The following KPNA6 variants were observed in gnomAD, a reference collection of about 807,000 sequenced individuals.
KPNA6 encodes karyopherin subunit alpha 6.
KPNA6 carries 9 observed loss-of-function variants against 72.0 expected under a neutral mutation model. The observed-to-expected ratio is 0.13, with a 90% CI of 0.08 to 0.22. KPNA6 has a LOEUF of 0.22. KPNA6 is among the 10% of genes least tolerant of loss of function. The pLI, the probability that KPNA6 is intolerant of heterozygous loss-of-function variation, is 1.00. For missense variants in KPNA6, 374 were observed against 655.7 expected (o/e 0.57, Z 4.69); for synonymous variants, 219 against 242.1 (o/e 0.90, Z 0.89).
At chr1:32,130,663 G>T (rs1038192278) in intron 1 of KPNA6, among the ~76,000 whole-genome samples, 2 of 151,666 alleles carry the variant, frequency 1.3e-5, no homozygotes, top group African/African-American at 4.8e-5. Context: ...GTGCATGCCT[G>T]TAGTCCCAGC....
chr1:32,119,026 A>T (rs866574908), intron 1 of KPNA6, among the ~76,000 whole-genome samples: 1,934 of 68,578 alleles, frequency 0.028, 78 homozygotes, highest in East Asian at 0.05. Flanking sequence ...ATATATATAT[A>T]TATATATTTT....
At chr1:32,131,615 T>C (rs539229968) in intron 1 of KPNA6, among the ~76,000 whole-genome samples, 54 of 151,518 alleles carry the variant, frequency 3.6e-4, no homozygotes, top group Non-Finnish European at 6.6e-4. Flanking sequence ...TACACACACA[T>C]ATATATACAT....
In KPNA6 at chr1:32,133,159, C is replaced by G. The variant is rs182954303; in HGVS notation, c.5-21429C>G. Among the ~76,000 whole-genome samples, 306 of 151,922 alleles carry G rather than the reference C, an allele frequency of 2.0e-3. 1 individual carries two copies. The highest frequency in any genetic ancestry group is 6.8e-3 in the African/African-American group (282 of 41,464). On this transcript the variant is annotated intron_variant, in intron 1 of 13. Transcript: ENST00000373625. ...AGGAATTTGAGACTAGCCTGGAAAA[C>G]ATGTTGAAACCTCATCTCTACAAAA...
Position 32,159,547 on chromosome 1 carries a change from G to T in KPNA6, c.558+16G>T. ...TCAGGAACAGGTAATGCTTAGATTT[G>T]GTGTGATTCTTTATAGTACCTGTGG... On this transcript the variant is annotated intron_variant, in intron 6 of 13. Coordinates refer to ENST00000373625, the MANE Select transcript of KPNA6 (RefSeq NM_012316.5). The T allele has an allele frequency of 6.2e-7, 1 of 1,611,362 alleles. No homozygotes were observed. The highest frequency in any genetic ancestry group is 1.1e-5 in the South Asian group (1 of 90,660).
intron 12 of KPNA6, 29 bp downstream of exon 12, chr1:32,167,325 A>G: frequency 6.2e-7 from 1 of 1,613,236 alleles, no homozygotes; most frequent in Non-Finnish European, 8.5e-7. Context: ...GTTGTCTTGA[A>G]TGATAATGGA....
At chr1:32,157,964 A>C (rs1314799683) in intron 4 of KPNA6, among the ~76,000 whole-genome samples, 1 of 152,180 alleles carries the variant, frequency 6.6e-6, no homozygotes, top group Non-Finnish European at 1.5e-5. Context: ...CTTGAAAGGG[A>C]AATGTGCAGA....
intron 1 of KPNA6, among the ~76,000 whole-genome samples, chr1:32,120,863 A>G (rs1174447262): frequency 7.3e-6 from 1 of 137,126 alleles, no homozygotes; most frequent in Non-Finnish European, 1.5e-5. Flanking sequence ...ACCCAGACGG[A>G]GTTCCTTCTT....
intron 1 of KPNA6, among the ~76,000 whole-genome samples, chr1:32,133,072 G>A (rs1469453885): frequency 3.9e-5 from 6 of 152,002 alleles, no homozygotes; most frequent in Non-Finnish European, 8.8e-5. Context: ...GGCTGGGTGC[G>A]GGGTCTCACA....
intron 1 of KPNA6, among the ~76,000 whole-genome samples, chr1:32,114,016 T>G (rs942193668): frequency 6.6e-6 from 1 of 152,192 alleles, no homozygotes; most frequent in Non-Finnish European, 1.5e-5. Flanking sequence ...CAAACTCTTA[T>G]TTATGATATT....
chr1:32,139,541 C>G (rs770290654), intron 1 of KPNA6, among the ~76,000 whole-genome samples: 11 of 152,060 alleles, frequency 7.2e-5, no homozygotes, highest in Non-Finnish European at 1.5e-4. Context: ...GACTTAACTT[C>G]CATTTTACAG....
chr1:32,108,997 GT>G lies in KPNA6; in HGVS notation c.4+865del, dbSNP rs1187355037. ...TAAGCTCTTTCTACGTACGGGCATT[GT>G]TCTGATTGCTTTACATGTCTTGTTT... is the stretch of plus-strand genomic sequence containing the variant. On this transcript the variant is annotated intron_variant, in intron 1 of 13. Coordinates refer to ENST00000373625, the MANE Select transcript of KPNA6 (RefSeq NM_012316.5). Among the ~76,000 whole-genome samples the G allele has an allele frequency of 3.9e-5, 6 of 152,310 alleles. No homozygotes were observed. The East Asian group carries it at 1.2e-3, about 29-fold the overall frequency.
chr1:32,154,467 C>T, intron 1 of KPNA6, 121 bp from the exon 2 acceptor site: 1 of 1,017,208 alleles, frequency 9.8e-7, no homozygotes, highest in Non-Finnish European at 1.4e-6. Context: ...ATTGAGAGCT[C>T]CCAGAGAGCT....
chr1:32,121,644 T>G (rs1015742905), intron 1 of KPNA6, among the ~76,000 whole-genome samples: 1 of 152,038 alleles, frequency 6.6e-6, no homozygotes, highest in African/African-American at 2.4e-5. Flanking sequence ...CAGTCAGAAT[T>G]AAAAGAAAAC....
Position 32,172,373 on chromosome 1 carries a change from G to T in KPNA6, c.*1479G>T, listed in dbSNP as rs1297460172. On this transcript the variant is annotated 3_prime_UTR_variant, in exon 14 of 14. Transcript: ENST00000373625. ...GTCCTTACTGCTGAACATCCTGCTT[G>T]TATCAGGAAACTCAGAAGCAGTTTG... The T allele has an allele frequency of 6.6e-6, 1 of 152,056 alleles. No homozygotes were observed. The highest frequency in any genetic ancestry group is 1.5e-5 in the Non-Finnish European group (1 of 68,054). The allele number at this position is 152,056 out of a possible 1,614,324, so 9.4% of individuals were successfully genotyped here.
intron 11 of KPNA6, among the ~76,000 whole-genome samples, chr1:32,166,619 C>A (rs1342780005): frequency 5.5e-4 from 49 of 89,038 alleles, no homozygotes; most frequent in Admixed American, 1.5e-3. Context: ...AGCGAGACTC[C>A]GTCTCAAAAA....
intron 1 of KPNA6, among the ~76,000 whole-genome samples, chr1:32,114,702 T>G (rs908250283): frequency 2.0e-5 from 3 of 152,186 alleles, no homozygotes; most frequent in Non-Finnish European, 2.9e-5. Flanking sequence ...GCTATGAAAG[T>G]CCTAGATGAC....
intron 1 of KPNA6, among the ~76,000 whole-genome samples, chr1:32,150,528 A>G (rs572089118): frequency 2.6e-4 from 39 of 152,266 alleles, no homozygotes; most frequent in African/African-American, 8.9e-4. Flanking sequence ...ACTTGAAACC[A>G]TCCTACTATC....
intron 1 of KPNA6, among the ~76,000 whole-genome samples, chr1:32,138,871 G>A (rs1240797148): frequency 6.6e-6 from 1 of 152,142 alleles, no homozygotes; most frequent in South Asian, 2.1e-4. Context: ...TTTTTCTGAG[G>A]TATTTGTGTC....
chr1:32,137,623 C>A (rs1157425000), intron 1 of KPNA6, among the ~76,000 whole-genome samples: 8 of 152,142 alleles, frequency 5.3e-5, no homozygotes, highest in Admixed American at 5.2e-4. Flanking sequence ...ATGCTGTGTA[C>A]TTTGCTATAG....
Sources: allele counts gnomAD v4.1 joint callset (sites outside exome capture counted in the v4.1 genomes callset), GRCh38; gene constraint gnomAD v4.1.1; transcripts MANE v1.5; gene names NCBI Gene and HGNC (gene_info 2026-07-23, HGNC 2026-07-21).